Variants in TMC1 observed in about 807,000 individuals in gnomAD.
TMC1 encodes transmembrane channel-like protein 1.
TMC1 carries 84 observed loss-of-function variants against 105.8 expected under a neutral mutation model. That is an observed-to-expected ratio of 0.79 (90% CI 0.67 to 0.95). The LOEUF is 0.95. Among genes scored for constraint, TMC1 ranks in the 40% least tolerant of loss-of-function variants. TMC1 has a pLI of 0.00. For synonymous variants in TMC1, 315 were observed against 311.5 expected, an observed-to-expected ratio of 1.01 and a Z score of -0.12; for missense variants, 817 against 914.1, an observed-to-expected ratio of 0.89 and a Z score of 1.37.
intron 1 of TMC1, among the ~76,000 whole-genome samples, chr9:72,523,212 T>C (rs1587936228): frequency 6.6e-6 from 1 of 151,696 alleles, no homozygotes; most frequent in East Asian, 1.9e-4. Flanking sequence ...GTGGGCTGAG[T>C]TGCAGTTAGC....
At position 72,830,403 on chromosome 9, in the gene TMC1, G is replaced by A. The variant is rs767985369; in HGVS notation, c.2130-48G>A. The A allele has an allele frequency of 4.7e-6, 6 of 1,276,432 alleles. No homozygotes were observed. In the East Asian group the frequency reaches 1.4e-4, roughly 30 times the overall value. The allele number at this position is 1,276,432 out of a possible 1,614,324, so 79.1% of individuals were successfully genotyped here. A position where few individuals can be genotyped will look rare whatever the true frequency, so the allele number is the denominator to read the frequency against. On this transcript the variant is annotated intron_variant, in intron 21 of 23. Transcript: ENST00000297784. ...TAATGTAAATTTAAGAAGTATCTTG[G>A]GGAACTGAAATATACCTTACACTGT...
chr9:72,753,286 C>CTTTTTTTTTTTTTTTTTTTTTT (rs5898269), intron 11 of TMC1, among the ~76,000 whole-genome samples: 1 of 81,828 alleles, frequency 1.2e-5, no homozygotes, highest in African/African-American at 5.3e-5. Context: ...TTAACCCCAG[C>CTTTTTTTTTTTTTTTTTTTTTT]TTTTTTTTTT....
intron 10 of TMC1, among the ~76,000 whole-genome samples, chr9:72,744,257 AT>A: frequency 6.6e-6 from 1 of 152,298 alleles, no homozygotes; most frequent in Non-Finnish European, 1.5e-5. Flanking sequence ...CTTTAATTTA[AT>A]TTTTTGATGT....
chr9:72,622,760 C>T (rs929733979), intron 3 of TMC1, among the ~76,000 whole-genome samples: 37 of 152,112 alleles, frequency 2.4e-4, no homozygotes, highest in Non-Finnish European at 4.1e-4. Flanking sequence ...TGTTTGAAAG[C>T]GTTTTATTGG....
chr9:72,663,148 T>C (rs543412824), intron 5 of TMC1, among the ~76,000 whole-genome samples: 1 of 152,098 alleles, frequency 6.6e-6, no homozygotes, highest in Admixed American at 6.6e-5. Context: ...GTGCTGCTGA[T>C]TGGTTGGAGA....
intron 12 of TMC1, among the ~76,000 whole-genome samples, chr9:72,755,094 G>GAGAGAA (rs1554725189): frequency 1.5e-4 from 18 of 123,986 alleles, no homozygotes; most frequent in African/African-American, 2.3e-4. Flanking sequence ...GAGAGAGAGA[G>GAGAGAA]AGAAAGAAAG....
intron 2 of TMC1, among the ~76,000 whole-genome samples, chr9:72,580,839 A>G (rs1824463933): frequency 6.6e-6 from 1 of 152,216 alleles, no homozygotes; most frequent in Non-Finnish European, 1.5e-5. Flanking sequence ...ATTTTTGAAC[A>G]TGAATCTACT....
rs140744860 is a variant in TMC1 at position 72,629,706 on chromosome 9, T to C, written c.-53+1643T>C. On this transcript the variant is annotated intron_variant, in intron 4 of 23. Transcript: ENST00000297784. Reference sequence around the variant, plus strand: ...ATGAGACATAGCAAATTGTTTGCTTTAACTAGAAAATAGTGGTTATGTGTG... The same window carrying C: ...ATGAGACATAGCAAATTGTTTGCTTCAACTAGAAAATAGTGGTTATGTGTG... Among the ~76,000 whole-genome samples, 854 of 152,270 alleles carry C rather than the reference T, an allele frequency of 5.6e-3. 1 individual carries two copies. The highest frequency in any genetic ancestry group is 0.024 in the Middle Eastern group (7 of 292).
chr9:72,768,823 G>A (rs529675229), intron 12 of TMC1, among the ~76,000 whole-genome samples: 41 of 152,272 alleles, frequency 2.7e-4, no homozygotes, highest in African/African-American at 9.4e-4. Context: ...TTTTCGGTGT[G>A]TCTTTTAATC....
intron 8 of TMC1, among the ~76,000 whole-genome samples, chr9:72,739,036 G>T (rs1395867849): frequency 6.6e-6 from 1 of 152,036 alleles, no homozygotes; most frequent in Non-Finnish European, 1.5e-5. Context: ...GACTGTCCCA[G>T]TCAGTTCAAG....
chr9:72,557,987 A>G (rs1218643608), intron 1 of TMC1, among the ~76,000 whole-genome samples: 1 of 152,198 alleles, frequency 6.6e-6, no homozygotes, highest in Non-Finnish European at 1.5e-5. Flanking sequence ...AATTATTTTA[A>G]TAAGTGAGAT....
intron 4 of TMC1, among the ~76,000 whole-genome samples, chr9:72,644,756 T>C (rs144004988): frequency 1.3e-5 from 2 of 152,328 alleles, no homozygotes; most frequent in African/African-American, 4.8e-5. Context: ...AAAAAGTACA[T>C]GGAAAATGTG....
chr9:72,732,178 C>T (rs866313118), intron 8 of TMC1, among the ~76,000 whole-genome samples: 3 of 152,274 alleles, frequency 2.0e-5, no homozygotes, highest in East Asian at 1.9e-4. Context: ...TTGATGCACA[C>T]TACTTTTACA....
intron 1 of TMC1, among the ~76,000 whole-genome samples, chr9:72,553,222 C>T (rs562861329): frequency 6.6e-6 from 1 of 152,270 alleles, no homozygotes; most frequent in African/African-American, 2.4e-5. Context: ...ATCCACCGGC[C>T]TCTGCTTCAC....
chr9:72,531,332 T>C (rs1330345389), intron 1 of TMC1, among the ~76,000 whole-genome samples: 1 of 152,230 alleles, frequency 6.6e-6, no homozygotes, highest in African/African-American at 2.4e-5. Flanking sequence ...GATTGTGTGC[T>C]AGACATTGTT....
At position 72,751,896 on chromosome 9, in the gene TMC1, G is replaced by A. The variant is rs1172357346; in HGVS notation, c.582G>A (p.Trp194Ter). 2 of 1,613,562 alleles carry A rather than the reference G, an allele frequency of 1.2e-6. No homozygotes were observed. The highest frequency in any genetic ancestry group is 1.3e-5 in the African/African-American group (1 of 74,896). ...CCTCATACTTCCTCTTCTTGAGATG[G>A]ATGTATGGAGTCAATATGGTTCTCT... ...SVASYFLFLR[W>*]MYGVNMVLFI... Residue 194 changes from tryptophan to a stop codon, truncating the protein, a stop_gained, in exon 11 of 24, where the codon TGG becomes TGA. Coordinates refer to ENST00000297784, the MANE Select transcript of TMC1 (RefSeq NM_138691.3). LOFTEE classifies it high-confidence loss of function.
At chr9:72,540,993 A>C (rs1470441004) in intron 1 of TMC1, among the ~76,000 whole-genome samples, 2 of 152,116 alleles carry the variant, frequency 1.3e-5, no homozygotes, top group Non-Finnish European at 2.9e-5. Context: ...CTTTATTAAA[A>C]CTTCTGACTT....
At chr9:72,787,344 A>G (rs1828183546) in intron 13 of TMC1, among the ~76,000 whole-genome samples, 1 of 152,188 alleles carries the variant, frequency 6.6e-6, no homozygotes, top group Admixed American at 6.5e-5. Context: ...TTTAAAATGT[A>G]TGAGCCTCCA....
chr9:72,567,535 C>T (rs1040925868), intron 1 of TMC1, among the ~76,000 whole-genome samples: 5 of 152,130 alleles, frequency 3.3e-5, no homozygotes, highest in Non-Finnish European at 7.3e-5. Context: ...GGCAGAGGCA[C>T]CTCTTCACGG....
Sources: gnomAD v4.1 joint callset for allele counts (sites outside exome capture counted in the v4.1 genomes callset) on GRCh38, gnomAD v4.1.1 for gene constraint, MANE v1.5 for transcripts, NCBI Gene and HGNC (gene_info 2026-07-23, HGNC 2026-07-21) for gene names.